STXBP6: variants seen among roughly 807,000 people sequenced by gnomAD.
STXBP6 encodes syntaxin-binding protein 6.
In STXBP6, 21 loss-of-function variants were observed where a neutral mutation model predicts 26.9. That is an observed-to-expected ratio of 0.78 (90% confidence interval 0.55 to 1.12). The LOEUF is 1.12. Among genes scored for constraint, STXBP6 ranks in the 50% most tolerant of loss-of-function variants. STXBP6 has a pLI of 0.00. For missense variants in STXBP6, 232 were observed against 257.9 expected (o/e 0.90, Z 0.69); for synonymous variants, 97 against 92.6 (o/e 1.05, Z -0.27).
intron 2 of STXBP6, among the ~76,000 whole-genome samples, chr14:24,928,250 C>T (rs1047119683): frequency 6.6e-6 from 1 of 152,066 alleles, no homozygotes; most frequent in Non-Finnish European, 1.5e-5. Flanking sequence ...TTGGCTCCCC[C>T]AGCACTACCA....
chr14:24,963,264 G>A (rs912431092), intron 2 of STXBP6, among the ~76,000 whole-genome samples: 3 of 152,164 alleles, frequency 2.0e-5, no homozygotes, highest in Non-Finnish European at 2.9e-5. Context: ...CTGCTTGTGT[G>A]CATTAGCTAG....
chr14:25,038,228 T>A (rs574524094), intron 1 of STXBP6, among the ~76,000 whole-genome samples: 2 of 151,008 alleles, frequency 1.3e-5, no homozygotes, highest in Admixed American at 6.6e-5. Context: ...CTTATCAAAC[T>A]AAGTGTTGGC....
chr14:24,963,220 A>G (rs1184311488), intron 2 of STXBP6, among the ~76,000 whole-genome samples: 3 of 152,218 alleles, frequency 2.0e-5, no homozygotes, highest in African/African-American at 7.2e-5. Context: ...CAAGATAGAA[A>G]GGATTCTGAA....
chr14:24,924,252 C>T (rs1221807207), intron 2 of STXBP6, among the ~76,000 whole-genome samples: 2 of 152,030 alleles, frequency 1.3e-5, no homozygotes, highest in Non-Finnish European at 2.9e-5. Flanking sequence ...AAGGGTGGGC[C>T]ACTAACACAT....
chr14:25,020,908 A>G (rs994535548), intron 1 of STXBP6, among the ~76,000 whole-genome samples: 1 of 152,162 alleles, frequency 6.6e-6, no homozygotes, highest in East Asian at 1.9e-4. Context: ...TGTGTCTACA[A>G]CTGTGCACCT....
intron 5 of STXBP6, chr14:24,818,228 G>T: frequency 2.3e-6 from 1 of 435,952 alleles, no homozygotes; most frequent in Non-Finnish European, 4.6e-6. Context: ...ACTGCCCTTT[G>T]ATCTGAAGCA....
chr14:24,974,256 A>T (rs1485031466), intron 2 of STXBP6, among the ~76,000 whole-genome samples: 3 of 152,226 alleles, frequency 2.0e-5, no homozygotes, highest in Non-Finnish European at 4.4e-5. Context: ...GTGATTACTG[A>T]TTATTGGCAA....
At chr14:24,820,052 T>C (rs1314565946) in intron 4 of STXBP6, among the ~76,000 whole-genome samples, 2 of 152,204 alleles carry the variant, frequency 1.3e-5, no homozygotes, top group East Asian at 1.9e-4. Context: ...CAAAATTCAA[T>C]AGTGAAGAAC....
At chr14:24,964,230 T>A (rs970396953) in intron 2 of STXBP6, among the ~76,000 whole-genome samples, 1 of 152,116 alleles carries the variant, frequency 6.6e-6, no homozygotes. Flanking sequence ...TGACAGTCTA[T>A]GGAAGTAAAC....
intron 2 of STXBP6, among the ~76,000 whole-genome samples, chr14:24,918,955 G>T (rs1473678887): frequency 6.6e-6 from 1 of 152,062 alleles, no homozygotes. Flanking sequence ...CCCATACTGG[G>T]AAGGCAGAAG....
intron 2 of STXBP6, among the ~76,000 whole-genome samples, chr14:24,947,502 C>T (rs2073030562): frequency 6.6e-6 from 1 of 152,208 alleles, no homozygotes; most frequent in East Asian, 1.9e-4. Context: ...TAAGAAGAGT[C>T]ACTGCCAACT....
At chr14:24,982,515 C>A (rs2074223568) in intron 1 of STXBP6, among the ~76,000 whole-genome samples, 1 of 152,186 alleles carries the variant, frequency 6.6e-6, no homozygotes, top group African/African-American at 2.4e-5. Flanking sequence ...TACACAACAG[C>A]CCTGGTCATA....
intron 2 of STXBP6, among the ~76,000 whole-genome samples, chr14:24,953,481 G>A (rs1200447360): frequency 6.6e-6 from 1 of 152,136 alleles, no homozygotes; most frequent in African/African-American, 2.4e-5. Context: ...CTGCCACAGG[G>A]AGCAGTGCTT....
At chr14:24,922,258 T>C (rs2072006681) in intron 2 of STXBP6, among the ~76,000 whole-genome samples, 1 of 151,890 alleles carries the variant, frequency 6.6e-6, no homozygotes, top group African/African-American at 2.4e-5. Flanking sequence ...CAAAACCAAC[T>C]CCCTAGCTCT....
intron 1 of STXBP6, among the ~76,000 whole-genome samples, chr14:25,013,498 A>ACACC (rs1177583476): frequency 6.6e-6 from 1 of 151,466 alleles, no homozygotes; most frequent in Non-Finnish European, 1.5e-5. Flanking sequence ...ACACACACAC[A>ACACC]CACACCCCTA....
intron 2 of STXBP6, among the ~76,000 whole-genome samples, chr14:24,874,824 C>T (rs749637499): frequency 2.6e-5 from 4 of 152,062 alleles, no homozygotes; most frequent in Non-Finnish European, 4.4e-5. Context: ...AATTACACAT[C>T]GACCGGCTGT....
chr14:24,875,113 G>A (rs1028737731), intron 2 of STXBP6, among the ~76,000 whole-genome samples: 1 of 152,100 alleles, frequency 6.6e-6, no homozygotes, highest in East Asian at 1.9e-4. Context: ...AGGAAGCATC[G>A]GAGAGAAAGC....
rs1158833456 is a variant in STXBP6 at position 24,812,063 on chromosome 14, A to G, written c.*646T>C. 6.6e-6 allele frequency: 1 copy of G among 150,982 alleles called. No homozygotes were observed. The highest frequency in any genetic ancestry group is 1.5e-5 in the Non-Finnish European group (1 of 67,924). The allele number at this position is 150,982 out of a possible 1,614,324, so 9.4% of individuals were successfully genotyped here. On this transcript the variant is annotated 3_prime_UTR_variant, in exon 6 of 6. Coordinates refer to ENST00000323944, the MANE Select transcript of STXBP6 (RefSeq NM_001394410.1). ...GAGTATTTAAACTGTAACTCAGGAA[A>G]GAGATTTCTATCTGCGATTCTGATT...
intron 2 of STXBP6, among the ~76,000 whole-genome samples, chr14:24,870,796 T>C (rs915825535): frequency 1.3e-5 from 2 of 152,208 alleles, no homozygotes; most frequent in Non-Finnish European, 2.9e-5. Flanking sequence ...TGTGTGGTCC[T>C]CCATTGACCC....
Sources: allele counts gnomAD v4.1 joint callset (sites outside exome capture counted in the v4.1 genomes callset), GRCh38; gene constraint gnomAD v4.1.1; transcripts MANE v1.5; gene names NCBI Gene and HGNC (gene_info 2026-07-23, HGNC 2026-07-21).